The following SHROOM3 variants were observed in gnomAD, a reference collection of about 807,000 sequenced individuals.
SHROOM3 encodes the protein protein Shroom3.
A neutral mutation model predicts 138.6 loss-of-function variants in SHROOM3; 47 were observed. The ratio of observed to expected loss-of-function variants is 0.34; its 90% CI spans 0.27 to 0.43. The LOEUF (loss-of-function observed/expected upper bound fraction) is 0.43, where lower values mean the gene tolerates loss of function less well. Ranked by LOEUF, SHROOM3 falls within the 20% of genes least tolerant of loss-of-function variation. The pLI, the probability that SHROOM3 is intolerant of heterozygous loss-of-function variation, is 1.00. For synonymous variants in SHROOM3, 1,062 were observed against 1,063.3 expected (o/e 1.00, Z 0.02); for missense variants, 2,491 against 2,596.5 (o/e 0.96, Z 0.88).
At position 76,741,516 on chromosome 4, in the gene SHROOM3, C is replaced by G. The variant is rs776652966; in HGVS notation, c.3343C>G (p.Arg1115Gly). The change falls in exon 5 of 11, where the codon CGC becomes GGC. Residue 1115 changes from arginine to glycine, a missense_variant. By Grantham distance (125) the Arg-to-Gly change is moderately radical. Coordinates refer to ENST00000296043, the MANE Select transcript of SHROOM3 (RefSeq NM_020859.4). The surrounding 1 kb of genome is among the most constrained non-coding windows in gnomAD (Gnocchi z 6.2). Reference protein sequence around the residue: ...SLQEPGPLRERAQSAYLQPGP... With the variant: ...SLQEPGPLREGAQSAYLQPGP... ...CCAGGAGCCCGGGCCACTGCGTGAG[C>G]GCGCCCAGAGTGCCTACCTCCAGCC... 1.1e-5 allele frequency: 17 copies of G among 1,553,372 alleles called. No individual in the cohort carries two copies. The Admixed American group carries it at 3.2e-4, about 29-fold the overall frequency.
chr4:76,620,727 G>A (rs550415472), intron 2 of SHROOM3, among the ~76,000 whole-genome samples: 51 of 152,304 alleles, frequency 3.3e-4, no homozygotes, highest in African/African-American at 1.1e-3. Context: ...GGGCTGTGTG[G>A]CAATGTTCAG....
chr4:76,527,796 G>A (rs1016795068), intron 1 of SHROOM3, among the ~76,000 whole-genome samples: 7 of 152,162 alleles, frequency 4.6e-5, no homozygotes, highest in African/African-American at 1.2e-4. Flanking sequence ...TTCACAACTC[G>A]TGGAGACTTG....
intron 2 of SHROOM3, among the ~76,000 whole-genome samples, chr4:76,659,148 A>T (rs534394342): frequency 8.6e-5 from 13 of 151,958 alleles, no homozygotes; most frequent in African/African-American, 3.1e-4. Context: ...AAATTGTCTC[A>T]TTGGAACCCT....
In SHROOM3 at chr4:76,665,875, G is replaced by A. The variant is rs186438902; in HGVS notation, c.324-44281G>A. 1.1e-3 allele frequency among the ~76,000 whole-genome samples: 165 copies of A among 150,970 alleles called. No homozygotes were observed. The Middle Eastern group carries it at 0.017, about 16-fold the overall frequency. On this transcript the variant is annotated intron_variant, in intron 2 of 10. Transcript: ENST00000296043. ...CTAATCTTTCTCTCTGCCATCAGGC[G>A]TGACATCCTGACCCCACGCCATACC...
At chr4:76,629,260 A>C (rs925891439) in intron 2 of SHROOM3, among the ~76,000 whole-genome samples, 5 of 152,060 alleles carry the variant, frequency 3.3e-5, no homozygotes, top group African/African-American at 7.2e-5. Flanking sequence ...CTGTGCAAAG[A>C]CTCTAAGGCC....
In SHROOM3 at chr4:76,703,625, A is replaced by G. The variant is rs562052450; in HGVS notation, c.324-6531A>G. ...GAGAAAAAGTGCTGAGAAACCTACA[A>G]CTATGGCATTAGAGACCTGCAAACC... On this transcript the variant is annotated intron_variant, in intron 2 of 10. Coordinates refer to ENST00000296043, the MANE Select transcript of SHROOM3 (RefSeq NM_020859.4). 3.9e-5 allele frequency among the ~76,000 whole-genome samples: 6 copies of G among 152,320 alleles called. No individual in the cohort carries two copies. In the South Asian group the frequency reaches 1.2e-3, roughly 32 times the overall value.
At chr4:76,615,514 T>C (rs1230198699) in intron 2 of SHROOM3, among the ~76,000 whole-genome samples, 2 of 152,208 alleles carry the variant, frequency 1.3e-5, no homozygotes, top group Non-Finnish European at 2.9e-5. Context: ...CTGTTAGAAG[T>C]TGAAAGTAAA....
chr4:76,513,387 C>T (rs1223665760), intron 1 of SHROOM3, among the ~76,000 whole-genome samples: 1 of 151,936 alleles, frequency 6.6e-6, no homozygotes, highest in Non-Finnish European at 1.5e-5. Context: ...GATATTGGCT[C>T]ACTGCAACCT....
In SHROOM3 at chr4:76,754,903, A is replaced by G. The variant is rs773043900; in HGVS notation, c.4420A>G (p.Thr1474Ala). The G allele has an allele frequency of 6.2e-7, 1 of 1,614,108 alleles. No individual in the cohort carries two copies. Residue 1474 changes from threonine to alanine, a missense_variant, in exon 7 of 11, where the codon ACA becomes GCA. By Grantham distance (58) the Thr-to-Ala change is moderately conservative. Around this residue, in one of 4 missense-constraint regions of SHROOM3, gnomAD observed 1,733 missense variants for 1,661.6 expected, o/e 1.04. Coordinates refer to ENST00000296043, the MANE Select transcript of SHROOM3 (RefSeq NM_020859.4). The part of the protein sequence containing the change: ...PSLCSTSDPD[T>A]PLGAPSTPGR... ...TTTATGCAGCACTTCTGACCCAGACACACCTCTTGGGGCCCCGAGCACTCC... is the reference window on the plus strand; with the variant it reads ...TTTATGCAGCACTTCTGACCCAGACGCACCTCTTGGGGCCCCGAGCACTCC...
intron 2 of SHROOM3, among the ~76,000 whole-genome samples, chr4:76,653,914 C>G (rs1736013020): frequency 6.6e-6 from 1 of 152,152 alleles, no homozygotes; most frequent in East Asian, 1.9e-4. Flanking sequence ...ATGAACTGTG[C>G]TAGGTTATGG....
intron 3 of SHROOM3, among the ~76,000 whole-genome samples, chr4:76,718,021 G>C (rs1720424697): frequency 6.6e-6 from 1 of 152,004 alleles, no homozygotes; most frequent in Non-Finnish European, 1.5e-5. Flanking sequence ...CTTAAAATAG[G>C]ACATGGAAAA....
rs1004266045 is a variant in SHROOM3 at position 76,739,127 on chromosome 4, A to G, written c.954A>G (p.Ser318=). 1.2e-6 allele frequency: 2 copies of G among 1,614,110 alleles called. No homozygotes were observed. The highest frequency in any genetic ancestry group is 2.7e-5 in the African/African-American group (2 of 74,950). ...TCTATGACACCCGGAGGGGAGTCTC[A>G]GCAGAGTATGAGGTGAACTCTTCAG... The part of the protein sequence containing the change: ...KTVYDTRRGV[S]AEYEVNSSAL... The change falls in exon 5 of 11, where the codon TCA becomes TCG. Residue 318 remains serine, a synonymous_variant. Transcript: ENST00000296043.
chr4:76,775,321 G>GGTGTGTGT (rs57294282), intron 10 of SHROOM3, among the ~76,000 whole-genome samples: 4,635 of 149,138 alleles, frequency 0.031, 127 homozygotes, highest in African/African-American at 0.065. Flanking sequence ...TAGTCCATGG[G>GGTGTGTGT]GTGTGTGTGT....
At position 76,623,992 on chromosome 4, in the gene SHROOM3, T is replaced by C. The variant is rs114589266; in HGVS notation, c.323+68229T>C. ...TTTGTTTTGCTTTTAACCACTATCATGTTTGTATTTGTCATTCTTGTACAT... is the reference window on the plus strand; with the variant it reads ...TTTGTTTTGCTTTTAACCACTATCACGTTTGTATTTGTCATTCTTGTACAT... On this transcript the variant is annotated intron_variant, in intron 2 of 10. Transcript: ENST00000296043. 4.8e-3 allele frequency among the ~76,000 whole-genome samples: 726 copies of C among 152,376 alleles called. 3 individuals are homozygous for C. The highest frequency in any genetic ancestry group is 0.017 in the African/African-American group (697 of 41,590).
intron 2 of SHROOM3, among the ~76,000 whole-genome samples, chr4:76,641,537 TGCACGGAAGTAAC>T (rs1414265260): frequency 6.6e-6 from 1 of 152,208 alleles, no homozygotes; most frequent in Non-Finnish European, 1.5e-5. Context: ...CCCTAGCCGA[TGCACGGAAGTAAC>T]ATTTGCATGT....
intron 1 of SHROOM3, among the ~76,000 whole-genome samples, chr4:76,442,845 T>A (rs747690354): frequency 1.1e-4 from 17 of 152,162 alleles, no homozygotes; most frequent in Non-Finnish European, 1.9e-4. Context: ...CTTTTTATTA[T>A]TCGTGGTGCT....
chr4:76,779,939 A>C lies in SHROOM3; in HGVS notation c.*762A>C, dbSNP rs1199025316. ...CTTCCCCAGGAGGAAGGCCTCATGC[A>C]CTGCGGTTATTGCATCATTTCCTAG... On this transcript the variant is annotated 3_prime_UTR_variant, in exon 11 of 11. Coordinates refer to ENST00000296043, the MANE Select transcript of SHROOM3 (RefSeq NM_020859.4). 1 of 152,584 alleles carries C rather than the reference A, an allele frequency of 6.6e-6. No individual in the cohort carries two copies. The highest frequency in any genetic ancestry group is 2.4e-5 in the African/African-American group (1 of 41,414). 9.5% of individuals were successfully genotyped at this position (152,584 alleles called of 1,614,324 possible).
In SHROOM3 at chr4:76,693,377, T is replaced by TTTTTTTTG. The variant is rs1553937635; in HGVS notation, c.324-16772_324-16771insGTTTTTTT. On this transcript the variant is annotated intron_variant, in intron 2 of 10. Transcript: ENST00000296043. ...CTTCATTTTGATAAGTTTGTTTTTT[T>TTTTTTTTG]TTTTTTTTTTTTTTTTAAAGCAACA... Among the ~76,000 whole-genome samples the TTTTTTTTG allele has an allele frequency of 9.8e-4, 124 of 126,010 alleles. 1 individual carries two copies. Among genetic ancestry groups the TTTTTTTTG allele is most frequent in the African/African-American group, 3.2e-3 (96 of 29,912 alleles). The allele number at this position is 126,010 out of a possible 152,430, so 82.7% of individuals were successfully genotyped here.
intron 2 of SHROOM3, among the ~76,000 whole-genome samples, chr4:76,618,479 T>A (rs1734930431): frequency 6.6e-6 from 1 of 152,220 alleles, no homozygotes; most frequent in Non-Finnish European, 1.5e-5. Context: ...ATCTTTAAAC[T>A]TTTTATTTGA....
Sources: gnomAD v4.1 joint callset for allele counts (sites outside exome capture counted in the v4.1 genomes callset) on GRCh38, gnomAD v4.1.1 for gene constraint, gnomAD v4.1.1 regional missense constraint, Gnocchi (gnomAD v3.1) non-coding constraint, MANE v1.5 for transcripts, NCBI Gene and HGNC (gene_info 2026-07-23, HGNC 2026-07-21) for gene names.